Variants in FLII observed in about 807,000 individuals in gnomAD.
FLII encodes the protein protein flightless-1 homolog.
Under a neutral mutation model 156.2 loss-of-function variants are expected in FLII, and 101 were observed. The ratio of observed to expected loss-of-function variants is 0.65; its 90% CI spans 0.55 to 0.76. FLII has a LOEUF of 0.76. Ranked by LOEUF, FLII falls within the 30% of genes least tolerant of loss-of-function variation. The pLI is 0.00. For synonymous variants in FLII, 767 were observed against 685.8 expected (o/e 1.12, Z -1.85); for missense variants, 1,675 against 1,682.8 (o/e 1.00, Z 0.08).
intron 27 of FLII, 30 bp downstream of exon 27, chr17:18,245,714 C>CT: frequency 6.2e-7 from 1 of 1,612,278 alleles, no homozygotes. Flanking sequence ...AGTGCCAGGA[C>CT]TGAGGGGAGG....
At chr17:18,256,847 A>T in intron 2 of FLII, 62 bp downstream of exon 2, 1 of 1,154,306 alleles carries the variant, frequency 8.7e-7, no homozygotes, top group Non-Finnish European at 1.3e-6. Flanking sequence ...TGCCTTCTCC[A>T]CAGGCTCTGC....
intron 6 of FLII, 145 bp from the exon 7 acceptor site, chr17:18,254,327 T>G: frequency 1.2e-6 from 1 of 812,660 alleles, no homozygotes; most frequent in Non-Finnish European, 1.9e-6. Flanking sequence ...CAAGGGTGGT[T>G]GCGGGGTGTG....
In FLII at chr17:18,248,898, G is replaced by A. The variant is rs758936174; in HGVS notation, c.1935-15C>T. 1.9e-6 allele frequency: 3 copies of A among 1,606,952 alleles called. No individual in the cohort carries two copies. The highest frequency in any genetic ancestry group is 4.5e-5 in the East Asian group (2 of 44,836). The stretch of plus-strand genomic sequence containing the variant: ...GGAAAACAAACCTGGACAAGAAGGG[G>A]CAGGAAGGAGCTGTGATGGTGCATG... On this transcript the variant is annotated splice_polypyrimidine_tract_variant and intron_variant, in intron 16 of 29. Transcript: ENST00000327031.
rs1282435202 is a variant in FLII at position 18,258,150 on chromosome 17, G to C, written c.63+478C>G. Among the ~76,000 whole-genome samples the C allele has an allele frequency of 6.6e-6, 1 of 152,272 alleles. No homozygotes were observed. The highest frequency in any genetic ancestry group is 1.5e-5 in the Non-Finnish European group (1 of 68,046). ...GGCTGAGAAAGCCTAGGCTCTGAGA[G>C]GGGAAGTGATCTGAGAGGCCCAGGA... is the stretch of plus-strand genomic sequence containing the variant. On this transcript the variant is annotated intron_variant, in intron 1 of 29. Coordinates refer to ENST00000327031, the MANE Select transcript of FLII (RefSeq NM_002018.4). This position sits in a 1 kb window ranked among gnomAD's most constrained non-coding sequence, Gnocchi z 4.2.
intron 24 of FLII, 29 bp downstream of exon 24, chr17:18,246,279 C>G (rs753279393): frequency 1.9e-6 from 3 of 1,614,050 alleles, no homozygotes; most frequent in East Asian, 4.5e-5. Flanking sequence ...GACGCTTGCT[C>G]GCCACTGCGT....
In FLII at chr17:18,253,448, C is replaced by T; in HGVS notation, c.866G>A (p.Cys289Tyr). 6.2e-7 allele frequency: 1 copy of T among 1,613,852 alleles called. No homozygotes were observed. Among genetic ancestry groups the T allele is most frequent in the Non-Finnish European group, 8.5e-7 (1 of 1,180,032 alleles). Residue 289 changes from cysteine to tyrosine, a missense_variant, in exon 9 of 30, where the codon TGC becomes TAC. By Grantham distance (194) the Cys-to-Tyr change is radical. Transcript: ENST00000327031. ...NQLTSLPSAI[C>Y]KLSKLKKLYL... Reference sequence around the variant, plus strand: ...CAGCTTCTTCAGCTTGCTCAGCTTGCAAATGGCTGACTGGAGGGGGAACGG... The same window carrying T: ...CAGCTTCTTCAGCTTGCTCAGCTTGTAAATGGCTGACTGGAGGGGGAACGG...
intron 3 of FLII, among the ~76,000 whole-genome samples, chr17:18,255,862 G>A (rs2048401008): frequency 6.6e-6 from 1 of 152,234 alleles, no homozygotes; most frequent in African/African-American, 2.4e-5. Context: ...CACTGCACTT[G>A]CAGAGGAGGC....
chr17:18,252,465 G>C lies in FLII; in HGVS notation c.1098+7C>G. 1 of 1,612,696 alleles carries C rather than the reference G, an allele frequency of 6.2e-7. No individual in the cohort carries two copies. The highest frequency in any genetic ancestry group is 8.5e-7 in the Non-Finnish European group (1 of 1,179,102). On this transcript the variant is annotated splice_region_variant and intron_variant, in intron 10 of 29. Coordinates refer to ENST00000327031, the MANE Select transcript of FLII (RefSeq NM_002018.4). Reference sequence around the variant, plus strand: ...TCTTGAGCCCTCTCAAACCCAGCATGCCTGACCTCGATCTCCGTCAGGAAA... The same window carrying C: ...TCTTGAGCCCTCTCAAACCCAGCATCCCTGACCTCGATCTCCGTCAGGAAA...
At chr17:18,247,626 T>C (rs534053709) in intron 20 of FLII, 31 bp downstream of exon 20, 1 of 1,541,080 alleles carries the variant, frequency 6.5e-7, no homozygotes, top group South Asian at 1.2e-5. Flanking sequence ...CGAAGGATCC[T>C]GGGGAGGGGC....
In FLII at chr17:18,248,029, C is replaced by A. The variant is rs1405346713; in HGVS notation, c.2195G>T (p.Gly732Val). 6.2e-7 allele frequency: 1 copy of A among 1,610,582 alleles called. No homozygotes were observed. Among genetic ancestry groups the A allele is most frequent in the South Asian group, 1.1e-5 (1 of 90,944 alleles). ...WPPQPKLYKV[G>V]LGLGYLELPQ... ...CAGCTCCAGGTAGCCCAAGCCCAGG[C>A]CCACCTGGCAGGAAGGATGAGCATG... The change falls in exon 19 of 30, where the codon GGC becomes GTC. Residue 732 changes from glycine to valine, a missense_variant. Physicochemically the swap from Gly to Val is moderately radical, Grantham distance 109. Around this residue, in one of 2 missense-constraint regions of FLII, gnomAD observed 1,332 missense variants for 1,269.3 expected, o/e 1.05. Coordinates refer to ENST00000327031, the MANE Select transcript of FLII (RefSeq NM_002018.4).
intron 21 of FLII, 52 bp downstream of exon 21, chr17:18,247,117 C>CGGGGGGGGGGGGG: frequency 1.4e-6 from 2 of 1,455,100 alleles, no homozygotes; most frequent in Non-Finnish European, 1.8e-6. Context: ...GCCCCGCCCT[C>CGGGGGGGGGGGGG]GGCCTGCCCC....
chr17:18,251,352 G>C lies in FLII; in HGVS notation c.1509C>G (p.Ile503Met). Residue 503 changes from isoleucine to methionine, a missense_variant, in exon 13 of 30, where the codon ATC (isoleucine) becomes ATG (methionine). Physicochemically the swap from Ile to Met is conservative, Grantham distance 10. Around this residue, in one of 2 missense-constraint regions of FLII, gnomAD observed 1,332 missense variants for 1,269.3 expected, o/e 1.05. Transcript: ENST00000327031. ...EDVGQLPGLT[I>M]WQIENFVPVL... ...CAGGCACGAAGTTCTCTATCTGCCAGATGGTCAGTCCGGGCAGCTGGCCCA... is the reference window on the plus strand; with the variant it reads ...CAGGCACGAAGTTCTCTATCTGCCACATGGTCAGTCCGGGCAGCTGGCCCA... 1 of 1,613,876 alleles carries C rather than the reference G, an allele frequency of 6.2e-7. No homozygotes were observed. The highest frequency in any genetic ancestry group is 8.5e-7 in the Non-Finnish European group (1 of 1,180,038).
chr17:18,256,851 G>A, intron 2 of FLII, 58 bp downstream of exon 2: 1 of 1,173,956 alleles, frequency 8.5e-7, no homozygotes, highest in Non-Finnish European at 1.2e-6. Flanking sequence ...TTCTCCACAG[G>A]CTCTGCCCAC....
In FLII at chr17:18,249,194, G is replaced by A. The variant is rs201233040; in HGVS notation, c.1867C>T (p.Arg623Cys). 5.1e-5 allele frequency: 83 copies of A among 1,614,102 alleles called. No individual in the cohort carries two copies. Among genetic ancestry groups the A allele is most frequent in the African/African-American group, 2.5e-4 (19 of 75,036 alleles). Residue 623 changes from arginine to cysteine, a missense_variant, in exon 16 of 30, where the codon CGT (arginine) becomes TGT (cysteine). Arg to Cys is a radical substitution (Grantham distance 180). This residue lies in a region of FLII where 1,332 missense variants were observed against 1,269.3 expected (regional missense o/e 1.05). Transcript: ENST00000327031. ...TTGATGTTCTTTTTCCCATACACAC[G>A]ATACATCCTGGGCGCAGGGCAAGAG... is the stretch of plus-strand genomic sequence containing the variant. ...EDTHYVTRMY[R>C]VYGKKNIKLE...
intron 14 of FLII, 82 bp downstream of exon 14, chr17:18,250,756 A>C: frequency 6.9e-7 from 1 of 1,452,090 alleles, no homozygotes; most frequent in Non-Finnish European, 9.5e-7. Flanking sequence ...TGTTCTGCCT[A>C]CCTGCCTTGG....
intron 14 of FLII, 38 bp downstream of exon 14, chr17:18,250,800 C>T (rs759020397): frequency 1.1e-5 from 17 of 1,584,538 alleles, no homozygotes; most frequent in Non-Finnish European, 1.4e-5. Flanking sequence ...TCCCTGGGAA[C>T]CCCACTCTGC....
chr17:18,252,644 C>A, intron 9 of FLII, 88 bp from the exon 10 acceptor site: 1 of 1,022,220 alleles, frequency 9.8e-7, no homozygotes, highest in South Asian at 1.3e-5. Context: ...GGAGGGGAGG[C>A]AGGTAGGGTC....
chr17:18,251,129 C>T, intron 13 of FLII, 112 bp from the exon 14 acceptor site: 2 of 1,421,706 alleles, frequency 1.4e-6, no homozygotes, highest in Non-Finnish European at 1.9e-6. Context: ...TGTACTGCCC[C>T]TGTGCCTGGA....
At chr17:18,256,759 T>G in intron 2 of FLII, 150 bp downstream of exon 2, 2 of 783,496 alleles carry the variant, frequency 2.6e-6, no homozygotes, top group Non-Finnish European at 4.2e-6. Context: ...CTTGCACACC[T>G]CCCTGGACAG....
Sources: gnomAD v4.1 joint callset for allele counts (sites outside exome capture counted in the v4.1 genomes callset) on GRCh38, gnomAD v4.1.1 for gene constraint, gnomAD v4.1.1 regional missense constraint, Gnocchi (gnomAD v3.1) non-coding constraint, MANE v1.5 for transcripts, NCBI Gene and HGNC (gene_info 2026-07-23, HGNC 2026-07-21) for gene names.